HERC1: variants seen among roughly 807,000 people sequenced by gnomAD.
HERC1 encodes the protein probable E3 ubiquitin-protein ligase HERC1.
A neutral mutation model predicts 554.3 loss-of-function variants in HERC1; 160 were observed. The ratio of observed to expected loss-of-function variants is 0.29; its 90% CI spans 0.25 to 0.33. The LOEUF is 0.33. Ranked by LOEUF, HERC1 falls within the 10% of genes least tolerant of loss-of-function variation. HERC1 has a pLI of 1.00. For synonymous variants in HERC1, 2,175 were observed against 2,131.7 expected (o/e 1.02, Z -0.56); for missense variants, 4,919 against 5,918.5 (o/e 0.83, Z 5.54).
chr15:63,758,033 A>G lies in HERC1; in HGVS notation c.1221+142T>C, dbSNP rs1474703214. ...AAAATTTATTTTTCTATTAAAATGA[A>G]AAAAACTAATGCAGTATATAGACCA... On this transcript the variant is annotated intron_variant, in intron 4 of 77. Coordinates refer to ENST00000443617, the MANE Select transcript of HERC1 (RefSeq NM_003922.4). This position sits in a 1 kb window ranked among gnomAD's most constrained non-coding sequence, Gnocchi z 4.0. The G allele has an allele frequency of 1.6e-6, 1 of 616,596 alleles. No homozygotes were observed. Among genetic ancestry groups the G allele is most frequent in the Non-Finnish European group, 2.6e-6 (1 of 387,122 alleles). 38.2% of individuals were successfully genotyped at this position (616,596 alleles called of 1,614,324 possible). A position where few individuals can be genotyped will look rare whatever the true frequency, so the allele number is the denominator to read the frequency against.
At chr15:63,724,081 T>C (rs752110832) in intron 18 of HERC1, among the ~76,000 whole-genome samples, 2 of 152,246 alleles carry the variant, frequency 1.3e-5, no homozygotes, top group Non-Finnish European at 1.5e-5. Context: ...AATAAAATTT[T>C]AATAGTTTCA....
In HERC1 at chr15:63,647,762, T is replaced by C. The variant is rs181503927; in HGVS notation, c.10878+307A>G. On this transcript the variant is annotated intron_variant, in intron 55 of 77. Transcript: ENST00000443617. ...TAAGTCAGACACAGAAAGGCAAATA[T>C]TACATTTTTTTCACTTTTAAGTGGT... Among the ~76,000 whole-genome samples, 46 of 152,222 alleles carry C rather than the reference T, an allele frequency of 3.0e-4. No individual in the cohort carries two copies. The East Asian group carries it at 8.7e-3, about 29-fold the overall frequency.
chr15:63,828,963 A>G (rs888145768), intron 1 of HERC1, among the ~76,000 whole-genome samples: 1 of 152,220 alleles, frequency 6.6e-6, no homozygotes, highest in African/African-American at 2.4e-5. Context: ...ATCTGTAACC[A>G]CTTCATGTGT....
intron 24 of HERC1, among the ~76,000 whole-genome samples, chr15:63,707,928 CAAAAAAAA>C (rs71131176): frequency 1.5e-4 from 8 of 55,162 alleles, no homozygotes; most frequent in African/African-American, 2.5e-4. Context: ...GACTCCCTCT[CAAAAAAAA>C]AAAAAAAAAA....
At chr15:63,644,491 G>A (rs2069228324) in intron 57 of HERC1, among the ~76,000 whole-genome samples, 1 of 151,734 alleles carries the variant, frequency 6.6e-6, no homozygotes, top group African/African-American at 2.4e-5. Flanking sequence ...AAGCATGTAA[G>A]CTTCTTTGTT....
At chr15:63,621,613 A>C (rs2068081115) in intron 74 of HERC1, among the ~76,000 whole-genome samples, 1 of 151,590 alleles carries the variant, frequency 6.6e-6, no homozygotes, top group Non-Finnish European at 1.5e-5. Context: ...CCATTCTCCC[A>C]CTTTCAGGTA....
chr15:63,770,274 ACTT>A (rs1328121377), intron 2 of HERC1, among the ~76,000 whole-genome samples: 2 of 152,198 alleles, frequency 1.3e-5, no homozygotes, highest in Admixed American at 6.5e-5. Context: ...CCTCAGGGGT[ACTT>A]CCTCCGTAAG....
intron 25 of HERC1, among the ~76,000 whole-genome samples, chr15:63,700,368 T>C (rs530862194): frequency 6.6e-6 from 1 of 152,226 alleles, no homozygotes. Context: ...ATAAAAATTA[T>C]ATCAGTTATG....
intron 12 of HERC1, among the ~76,000 whole-genome samples, chr15:63,739,466 G>A (rs1439810291): frequency 1.3e-5 from 2 of 151,802 alleles, no homozygotes; most frequent in Non-Finnish European, 2.9e-5. Flanking sequence ...CAAAGTGCTG[G>A]GATTATAGGC....
At position 63,774,543 on chromosome 15, in the gene HERC1, G is replaced by A. The variant is rs946369542; in HGVS notation, c.930+151C>T. 3 of 639,036 alleles carry A rather than the reference G, an allele frequency of 4.7e-6. No homozygotes were observed. In the East Asian group the frequency reaches 8.4e-5, roughly 18 times the overall value. 39.6% of individuals were successfully genotyped at this position (639,036 alleles called of 1,614,324 possible). A position where few individuals can be genotyped will look rare whatever the true frequency, so the allele number is the denominator to read the frequency against. ...CCATATATTATCAACATGCATAAAA[G>A]TTTCTTCACTCCAAGTATATGAAAT... is the stretch of plus-strand genomic sequence containing the variant. On this transcript the variant is annotated intron_variant, in intron 2 of 77. Coordinates refer to ENST00000443617, the MANE Select transcript of HERC1 (RefSeq NM_003922.4).
intron 51 of HERC1, among the ~76,000 whole-genome samples, chr15:63,653,067 T>C (rs2069788673): frequency 6.6e-6 from 1 of 152,234 alleles, no homozygotes. Flanking sequence ...TAATCTTTAC[T>C]AAATATGTTT....
chr15:63,633,006 G>A (rs1263932665), intron 67 of HERC1, among the ~76,000 whole-genome samples, 195 bp from the exon 68 acceptor site: 1 of 152,252 alleles, frequency 6.6e-6, no homozygotes, highest in Admixed American at 6.5e-5. Context: ...GGGAGGGAGT[G>A]TGCAGGGGCA....
chr15:63,721,752 A>G (rs972330668), intron 19 of HERC1, among the ~76,000 whole-genome samples: 30 of 152,254 alleles, frequency 2.0e-4, no homozygotes, highest in African/African-American at 7.0e-4. Flanking sequence ...AAAGAAAACT[A>G]GAGATAGGTG....
rs746448719 is a variant in HERC1, at chr15:63,754,601, T to C, written c.1678A>G (p.Ile560Val). The stretch of plus-strand genomic sequence containing the variant: ...CAAGAAACCTCTCCTACATTGCTGA[T>C]GTCTTTTACTAATGTTGGAATGTTA... ...SRNIPTLVKD[I>V]SNVGEVSCGS... is the part of the protein sequence containing the mutation. The change falls in exon 7 of 78, where the codon ATC becomes GTC. Residue 560 changes from isoleucine to valine, a missense_variant. Coordinates refer to ENST00000443617, the MANE Select transcript of HERC1 (RefSeq NM_003922.4). 8 of 1,613,598 alleles carry C rather than the reference T, an allele frequency of 5.0e-6. No homozygotes were observed. Among genetic ancestry groups the C allele is most frequent in the Non-Finnish European group, 6.8e-6 (8 of 1,179,606 alleles).
chr15:63,810,621 T>C (rs56122265), intron 1 of HERC1, among the ~76,000 whole-genome samples: 5,209 of 152,294 alleles, frequency 0.034, 143 homozygotes, highest in African/African-American at 0.077. Context: ...TTTGCATATA[T>C]TGCTTCTTTT....
chr15:63,685,634 T>TAA (rs1395612709), intron 34 of HERC1, among the ~76,000 whole-genome samples: 2 of 152,218 alleles, frequency 1.3e-5, no homozygotes, highest in Admixed American at 1.3e-4. Context: ...CTAAAAGGCA[T>TAA]AACTGAAGTC....
intron 1 of HERC1, among the ~76,000 whole-genome samples, chr15:63,802,876 T>C (rs2077035473): frequency 6.6e-6 from 1 of 152,230 alleles, no homozygotes; most frequent in Non-Finnish European, 1.5e-5. Flanking sequence ...ACTTTCTATG[T>C]GGCAGAAAAT....
intron 33 of HERC1, among the ~76,000 whole-genome samples, chr15:63,687,273 C>G (rs1437350953): frequency 6.6e-6 from 1 of 152,152 alleles, no homozygotes; most frequent in Non-Finnish European, 1.5e-5. Flanking sequence ...GGTGTGGTGG[C>G]TCACACTTGT....
chr15:63,690,608 G>T lies in HERC1; in HGVS notation c.5870C>A (p.Ala1957Glu). Residue 1957 changes from alanine to glutamate, a missense_variant, in exon 32 of 78, where the codon GCA becomes GAA. Physicochemically the swap from Ala to Glu is moderately radical, Grantham distance 107. Coordinates refer to ENST00000443617, the MANE Select transcript of HERC1 (RefSeq NM_003922.4). ...LVGNLRTRLL[A>E]LHVLEAVLPA... ...CAGCACAGCTTCAAGGACATGAAGT[G>T]CAAGGAGCCTTGTTCTTAAGTTACC... 6.2e-7 allele frequency: 1 copy of T among 1,612,938 alleles called. No individual in the cohort carries two copies. Among genetic ancestry groups the T allele is most frequent in the Non-Finnish European group, 8.5e-7 (1 of 1,179,088 alleles).
Sources: gnomAD v4.1 joint callset for allele counts (sites outside exome capture counted in the v4.1 genomes callset) on GRCh38, gnomAD v4.1.1 for gene constraint, Gnocchi (gnomAD v3.1) non-coding constraint, MANE v1.5 for transcripts, NCBI Gene and HGNC (gene_info 2026-07-23, HGNC 2026-07-21) for gene names.